NELL1: variants seen among roughly 807,000 people sequenced by gnomAD.
The protein encoded by NELL1 is neural EGFL like 1.
In NELL1, 76 loss-of-function variants were observed where a neutral mutation model predicts 107.4. The observed-to-expected ratio is 0.71, with a 90% CI of 0.59 to 0.86. The LOEUF is 0.86. Ranked by LOEUF, NELL1 falls within the 40% of genes least tolerant of loss-of-function variation. The probability of loss-of-function intolerance (pLI) is 0.00; values close to 1 mark genes in which losing one functional copy is unlikely to be tolerated. For missense variants in NELL1, 1,024 were observed against 1,005.5 expected (o/e 1.02, Z -0.25); for synonymous variants, 353 against 341.2 (o/e 1.03, Z -0.38).
At chr11:21,447,532 C>T (rs1853464339) in intron 15 of NELL1, among the ~76,000 whole-genome samples, 1 of 152,170 alleles carries the variant, frequency 6.6e-6, no homozygotes, top group African/African-American at 2.4e-5. Flanking sequence ...ATAGGGCCTA[C>T]ACAACTCTGC....
chr11:20,818,665 T>C (rs963908240), intron 3 of NELL1, among the ~76,000 whole-genome samples: 44 of 152,186 alleles, frequency 2.9e-4, no homozygotes, highest in African/African-American at 9.9e-4. Flanking sequence ...TATGTTGAGA[T>C]TGATGTAATT....
chr11:21,562,017 T>G (rs1374260762), intron 17 of NELL1, among the ~76,000 whole-genome samples: 1 of 152,046 alleles, frequency 6.6e-6, no homozygotes, highest in East Asian at 1.9e-4. Context: ...GTTATTAAAC[T>G]TTTGAGGATG....
chr11:21,074,676 T>C (rs1854092578), intron 12 of NELL1, among the ~76,000 whole-genome samples: 1 of 52,938 alleles, frequency 1.9e-5, no homozygotes, highest in African/African-American at 8.7e-5. Flanking sequence ...TTTACACATG[T>C]GTTTTTTTTT....
At chr11:21,386,773 C>T (rs754041881) in intron 15 of NELL1, among the ~76,000 whole-genome samples, 4 of 151,866 alleles carry the variant, frequency 2.6e-5, no homozygotes, top group Non-Finnish European at 5.9e-5. Flanking sequence ...ATGCCTTCGC[C>T]TTTTGGAGAT....
At chr11:21,116,013 C>A (rs544424418) in intron 13 of NELL1, among the ~76,000 whole-genome samples, 4 of 151,900 alleles carry the variant, frequency 2.6e-5, no homozygotes, top group African/African-American at 9.7e-5. Context: ...TCTTAATTTG[C>A]CTGTGGTTAT....
chr11:20,807,159 C>T (rs1857402465), intron 3 of NELL1, among the ~76,000 whole-genome samples: 1 of 151,702 alleles, frequency 6.6e-6, no homozygotes, highest in Non-Finnish European at 1.5e-5. Flanking sequence ...TCTTCACAGT[C>T]TGGGCTTGAT....
chr11:20,861,844 C>T (rs758069805), intron 4 of NELL1, among the ~76,000 whole-genome samples: 1 of 152,152 alleles, frequency 6.6e-6, no homozygotes, highest in Non-Finnish European at 1.5e-5. Context: ...GCTACCCTTG[C>T]CAAGTTACTT....
intron 12 of NELL1, among the ~76,000 whole-genome samples, chr11:21,005,908 T>C (rs577720399): frequency 6.6e-6 from 1 of 152,250 alleles, no homozygotes; most frequent in African/African-American, 2.4e-5. Flanking sequence ...ACATAGGCTT[T>C]GGACTTAGAC....
At chr11:21,504,945 T>A (rs556101649) in intron 15 of NELL1, among the ~76,000 whole-genome samples, 1 of 152,306 alleles carries the variant, frequency 6.6e-6, no homozygotes, top group South Asian at 2.1e-4. Context: ...AAAAGTCATG[T>A]TTAAAGCTCA....
intron 15 of NELL1, among the ~76,000 whole-genome samples, chr11:21,374,602 C>A (rs868821469): frequency 5.9e-5 from 9 of 152,052 alleles, no homozygotes; most frequent in Middle Eastern, 3.4e-3. Context: ...TGAGGCACCA[C>A]CTCTTAAAAA....
At chr11:21,106,904 C>T (rs1338010448) in intron 12 of NELL1, among the ~76,000 whole-genome samples, 2 of 151,946 alleles carry the variant, frequency 1.3e-5, no homozygotes, top group Non-Finnish European at 2.9e-5. Context: ...TTCCTTTGGG[C>T]AAGTTGGAAA....
intron 3 of NELL1, among the ~76,000 whole-genome samples, chr11:20,785,820 A>G (rs908151471): frequency 6.6e-6 from 1 of 152,116 alleles, no homozygotes; most frequent in African/African-American, 2.4e-5. Context: ...CCCTTGACAC[A>G]TATACATTTA....
chr11:21,407,677 G>T (rs1852268063), intron 15 of NELL1, among the ~76,000 whole-genome samples: 1 of 145,802 alleles, frequency 6.9e-6, no homozygotes. Flanking sequence ...ACCTTATCTA[G>T]TATCTCTCCA....
chr11:20,789,639 T>TC (rs1451210792), intron 3 of NELL1, among the ~76,000 whole-genome samples: 1 of 152,252 alleles, frequency 6.6e-6, no homozygotes, highest in Non-Finnish European at 1.5e-5. Context: ...CAAGTTCTTG[T>TC]CCTGCAACCA....
intron 15 of NELL1, among the ~76,000 whole-genome samples, chr11:21,454,665 T>C (rs1000800553): frequency 3.3e-5 from 5 of 152,234 alleles, no homozygotes; most frequent in African/African-American, 4.8e-5. Flanking sequence ...GTCACAATTC[T>C]AGAGGCTGGA....
intron 3 of NELL1, among the ~76,000 whole-genome samples, chr11:20,808,956 GTGAT>G (rs1387734715): frequency 6.6e-6 from 1 of 152,232 alleles, no homozygotes; most frequent in Non-Finnish European, 1.5e-5. Flanking sequence ...ACCAGGTACT[GTGAT>G]TGGTCACCTG....
chr11:20,697,436 A>G (rs1402387012), intron 2 of NELL1, among the ~76,000 whole-genome samples: 1 of 149,094 alleles, frequency 6.7e-6, no homozygotes, highest in Non-Finnish European at 1.5e-5. Flanking sequence ...GCTACCTTTC[A>G]GGAGTTCTGC....
intron 15 of NELL1, among the ~76,000 whole-genome samples, chr11:21,438,952 T>C (rs1853206626): frequency 6.6e-6 from 1 of 151,700 alleles, no homozygotes; most frequent in African/African-American, 2.4e-5. Flanking sequence ...TAATATACCA[T>C]AGGCATGTGA....
chr11:21,352,733 T>C (rs773271284), intron 14 of NELL1, among the ~76,000 whole-genome samples: 2 of 152,184 alleles, frequency 1.3e-5, no homozygotes, highest in Non-Finnish European at 2.9e-5. Flanking sequence ...GCAAACTGCT[T>C]TTCTTACGTG....
Sources: gnomAD v4.1 joint callset for allele counts (sites outside exome capture counted in the v4.1 genomes callset) on GRCh38, gnomAD v4.1.1 for gene constraint, MANE v1.5 for transcripts, NCBI Gene and HGNC (gene_info 2026-07-23, HGNC 2026-07-21) for gene names.